The following PLCB4 variants were observed in gnomAD, a reference collection of about 807,000 sequenced individuals.
PLCB4 encodes the protein phospholipase C beta 4.
In PLCB4, 77 loss-of-function variants were observed where a neutral mutation model predicts 178.8. The ratio of observed to expected loss-of-function variants is 0.43; its 90% CI spans 0.36 to 0.52. PLCB4 has a LOEUF of 0.52. Among genes scored for constraint, PLCB4 ranks in the 20% least tolerant of loss-of-function variants. The pLI is 0.00. For synonymous variants in PLCB4, 496 were observed against 490.8 expected, an observed-to-expected ratio of 1.01 and a Z score of -0.14; for missense variants, 1,024 against 1,453.4, an observed-to-expected ratio of 0.70 and a Z score of 4.80.
chr20:9,338,102 G>T (rs1316276638), intron 6 of PLCB4, 35 bp downstream of exon 6: 12 of 1,410,428 alleles, frequency 8.5e-6, no homozygotes, highest in Non-Finnish European at 1.2e-5. Context: ...TCTAAACACG[G>T]ATTTACTTAT....
intron 1 of PLCB4, among the ~76,000 whole-genome samples, chr20:9,091,470 A>G (rs1434192629): frequency 5.9e-5 from 9 of 152,000 alleles, no homozygotes; most frequent in Admixed American, 4.6e-4. Context: ...TCATAAAGAC[A>G]AAAGTGAGAA....
At chr20:9,097,048 C>T (rs2090938650) in intron 2 of PLCB4, among the ~76,000 whole-genome samples, 1 of 151,878 alleles carries the variant, frequency 6.6e-6, no homozygotes, top group Admixed American at 6.6e-5. Flanking sequence ...GATTCTCTTG[C>T]CTTAGCCTCT....
Position 9,468,587 on chromosome 20 carries a change from C to T in PLCB4, c.3265C>T (p.Arg1089Ter), listed in dbSNP as rs1173070385. Residue 1089 changes from arginine (R) to a stop codon, truncating the protein, a stop_gained, in exon 36 of 40, where the codon CGA (arginine) becomes TGA (stop). Coordinates refer to ENST00000378473, the MANE Select transcript of PLCB4 (RefSeq NM_001377142.1). LOFTEE classifies it high-confidence loss of function. Reference sequence around the variant, plus strand: ...AATACATAGGGAAAGCAAGGAAATGCGAGCACACCAGGCTAAGATTTCTAT... The same window carrying T: ...AATACATAGGGAAAGCAAGGAAATGTGAGCACACCAGGCTAAGATTTCTAT... ...LSHDRESKEM[R>*]AHQAKISMEN... The T allele has an allele frequency of 3.1e-6, 5 of 1,606,092 alleles. No homozygotes were observed. Among genetic ancestry groups the T allele is most frequent in the Non-Finnish European group, 4.3e-6 (5 of 1,173,218 alleles).
chr20:9,086,017 C>A (rs2090395047), intron 1 of PLCB4, among the ~76,000 whole-genome samples: 1 of 152,078 alleles, frequency 6.6e-6, no homozygotes, highest in Non-Finnish European at 1.5e-5. Flanking sequence ...TATGTTTAAA[C>A]TCTTTTTTTG....
intron 35 of PLCB4, among the ~76,000 whole-genome samples, chr20:9,461,838 A>G (rs957639275): frequency 1.3e-5 from 2 of 152,262 alleles, no homozygotes; most frequent in African/African-American, 4.8e-5. Context: ...GCATAGCTGA[A>G]CAAAAGGCAG....
chr20:9,453,534 T>C, intron 33 of PLCB4, 72 bp downstream of exon 33: 1 of 851,022 alleles, frequency 1.2e-6, no homozygotes, highest in Non-Finnish European at 1.9e-6. Flanking sequence ...GTTTTGCTGC[T>C]GTTTAGGTCA....
Position 9,203,060 on chromosome 20 carries a change from T to A in PLCB4, c.-78-14330T>A, listed in dbSNP as rs200701861. Among the ~76,000 whole-genome samples, 225 of 131,364 alleles carry A rather than the reference T, an allele frequency of 1.7e-3. 2 individuals are homozygous for A. The highest frequency in any genetic ancestry group is 2.5e-3 in the South Asian group (11 of 4,464). The allele number at this position is 131,364 out of a possible 152,430, so 86.2% of individuals were successfully genotyped here. On this transcript the variant is annotated intron_variant, in intron 2 of 39. Coordinates refer to ENST00000378473, the MANE Select transcript of PLCB4 (RefSeq NM_001377142.1). ...TTTGGTAAAAAAAAAAAAAAAAATATATATATATATATATATATATGACAA... is the reference window on the plus strand; with the variant it reads ...TTTGGTAAAAAAAAAAAAAAAAATAAATATATATATATATATATATGACAA...
At chr20:9,264,788 C>T (rs1276913347) in intron 3 of PLCB4, among the ~76,000 whole-genome samples, 1 of 152,138 alleles carries the variant, frequency 6.6e-6, no homozygotes, top group Non-Finnish European at 1.5e-5. Flanking sequence ...GGACCCATCT[C>T]CAGAGAGTCC....
At chr20:9,295,199 A>G (rs577959498) in intron 3 of PLCB4, among the ~76,000 whole-genome samples, 1 of 152,274 alleles carries the variant, frequency 6.6e-6, no homozygotes, top group African/African-American at 2.4e-5. Flanking sequence ...AGACCTTCTC[A>G]GAACTACTAC....
chr20:9,426,897 T>C lies in PLCB4; in HGVS notation c.2524+2945T>C, dbSNP rs2041051278. Among the ~76,000 whole-genome samples the C allele has an allele frequency of 3.3e-5, 5 of 152,136 alleles. No individual in the cohort carries two copies. In the South Asian group the frequency reaches 1.0e-3, roughly 32 times the overall value. Reference sequence around the variant, plus strand: ...GAGTTAGGAATTTGAGTGCAACTCCTTCTGCTTCTCCTTCTCATTTCTATA... The same window carrying C: ...GAGTTAGGAATTTGAGTGCAACTCCCTCTGCTTCTCCTTCTCATTTCTATA... On this transcript the variant is annotated intron_variant, in intron 28 of 39. Transcript: ENST00000378473.
At chr20:9,360,631 T>C (rs576990080) in intron 7 of PLCB4, among the ~76,000 whole-genome samples, 69 of 152,332 alleles carry the variant, frequency 4.5e-4, no homozygotes, top group Middle Eastern at 3.4e-3. Context: ...GGCCTGTGGT[T>C]TGTTAGGTCA....
At chr20:9,116,011 C>T (rs555096143) in intron 2 of PLCB4, among the ~76,000 whole-genome samples, 2 of 151,996 alleles carry the variant, frequency 1.3e-5, no homozygotes, top group South Asian at 2.1e-4. Flanking sequence ...GAGCCAATAT[C>T]GTTTTTTGTA....
intron 2 of PLCB4, among the ~76,000 whole-genome samples, chr20:9,172,422 AG>A (rs1456350462): frequency 1.7e-4 from 26 of 152,296 alleles, no homozygotes; most frequent in Non-Finnish European, 2.8e-4. Flanking sequence ...CACTGCTATA[AG>A]TCAAATCCCT....
At chr20:9,152,407 TA>T (rs1170461253) in intron 2 of PLCB4, among the ~76,000 whole-genome samples, 1 of 152,120 alleles carries the variant, frequency 6.6e-6, no homozygotes, top group Non-Finnish European at 1.5e-5. Flanking sequence ...GTGTACAGCC[TA>T]GGGACATAGT....
intron 28 of PLCB4, among the ~76,000 whole-genome samples, chr20:9,431,675 TG>T (rs2041421768): frequency 6.6e-6 from 1 of 151,696 alleles, no homozygotes; most frequent in Non-Finnish European, 1.5e-5. Context: ...TGTGTGTGTG[TG>T]TGTGTGTATT....
intron 2 of PLCB4, among the ~76,000 whole-genome samples, chr20:9,099,064 A>G (rs1443570873): frequency 6.6e-6 from 1 of 152,050 alleles, no homozygotes; most frequent in Non-Finnish European, 1.5e-5. Flanking sequence ...TTCTTAATCA[A>G]TAGAAATTAA....
At chr20:9,120,027 A>G (rs962773316) in intron 2 of PLCB4, among the ~76,000 whole-genome samples, 5 of 152,104 alleles carry the variant, frequency 3.3e-5, no homozygotes, top group African/African-American at 9.7e-5. Flanking sequence ...CCTTTCTTTC[A>G]GCAATCTGCT....
intron 1 of PLCB4, among the ~76,000 whole-genome samples, chr20:9,074,372 ATTACT>A (rs1198587922): frequency 2.0e-5 from 3 of 152,172 alleles, no homozygotes; most frequent in Non-Finnish European, 4.4e-5. Context: ...CAGGAAAATC[ATTACT>A]TTAAGATACA....
At chr20:9,223,544 C>T (rs750927736) in intron 3 of PLCB4, among the ~76,000 whole-genome samples, 3 of 152,182 alleles carry the variant, frequency 2.0e-5, no homozygotes, top group African/African-American at 7.2e-5. Context: ...TGGTATGGCT[C>T]AGCGTTTCTT....
Sources: gnomAD v4.1 joint callset for allele counts (sites outside exome capture counted in the v4.1 genomes callset) on GRCh38, gnomAD v4.1.1 for gene constraint, MANE v1.5 for transcripts, NCBI Gene and HGNC (gene_info 2026-07-23, HGNC 2026-07-21) for gene names.